FGD6: variants seen among roughly 807,000 people sequenced by gnomAD.
FGD6 encodes FYVE, RhoGEF and PH domain-containing protein 6.
A neutral mutation model predicts 149.4 loss-of-function variants in FGD6; 90 were observed. The observed-to-expected ratio is 0.60, with a 90% confidence interval of 0.51 to 0.72. The LOEUF is 0.72. Ranked by LOEUF, FGD6 falls within the 30% of genes least tolerant of loss-of-function variation. FGD6 has a pLI of 0.00. For missense variants in FGD6, 1,437 were observed against 1,684.8 expected, an observed-to-expected ratio of 0.85 and a Z score of 2.57; for synonymous variants, 527 against 584.0, an observed-to-expected ratio of 0.90 and a Z score of 1.41.
chr12:95,133,946 A>C (rs1483305434), intron 8 of FGD6, among the ~76,000 whole-genome samples: 1 of 152,172 alleles, frequency 6.6e-6, no homozygotes, highest in Non-Finnish European at 1.5e-5. Context: ...TCACTCAAAC[A>C]CAGTGTTTTT....
At chr12:95,083,008 A>ATAT (rs1338773595) in intron 20 of FGD6, among the ~76,000 whole-genome samples, 4 of 35,194 alleles carry the variant, frequency 1.1e-4, no homozygotes, top group Non-Finnish European at 1.7e-4. Flanking sequence ...AAAAAAAAAA[A>ATAT]AAAAATATAT....
chr12:95,197,390 G>A (rs931973494), intron 2 of FGD6, among the ~76,000 whole-genome samples: 19 of 152,090 alleles, frequency 1.2e-4, no homozygotes, highest in African/African-American at 4.1e-4. Context: ...GTGAGATCAC[G>A]CCACTGCACT....
chr12:95,163,984 T>C (rs915373669), intron 3 of FGD6, among the ~76,000 whole-genome samples: 1 of 152,232 alleles, frequency 6.6e-6, no homozygotes, highest in Non-Finnish European at 1.5e-5. Context: ...ACACACCCCA[T>C]GGCATCTCAA....
At chr12:95,102,478 ATAAAG>A (rs1878483209) in intron 14 of FGD6, among the ~76,000 whole-genome samples, 2 of 150,980 alleles carry the variant, frequency 1.3e-5, no homozygotes, top group Middle Eastern at 3.5e-3. Flanking sequence ...CACAACAACA[ATAAAG>A]GAAAAGAAAA....
At chr12:95,213,196 T>C (rs2056736661) in intron 1 of FGD6, among the ~76,000 whole-genome samples, 1 of 152,238 alleles carries the variant, frequency 6.6e-6, no homozygotes, top group African/African-American at 2.4e-5. Context: ...ACGGCCCATC[T>C]TACTCAGTAC....
intron 3 of FGD6, among the ~76,000 whole-genome samples, chr12:95,160,017 A>C (rs566482166): frequency 2.6e-4 from 39 of 151,574 alleles, no homozygotes; most frequent in African/African-American, 7.5e-4. Flanking sequence ...TTAAAAAAAA[A>C]AAAACAAAAC....
Position 95,209,576 on chromosome 12 carries a change from G to A in FGD6, c.1708C>T (p.Pro570Ser), listed in dbSNP as rs1485024542. 6.2e-7 allele frequency: 1 copy of A among 1,614,066 alleles called. No individual in the cohort carries two copies. Among genetic ancestry groups the A allele is most frequent in the African/African-American group, 1.3e-5 (1 of 75,012 alleles). ...CCTGAAAAGGGTAAAATAGGATGAG[G>A]TAACTTCCACACTGGCTTTTCTGAA... ...RASEKPVWKL[P>S]HPILPFSGNP... is the part of the protein sequence containing the mutation. The change falls in exon 2 of 21, where the codon CCT becomes TCT. Residue 570 changes from proline (P) to serine (S), a missense_variant. Pro to Ser is a moderately conservative substitution (Grantham distance 74). Around this residue, in one of 2 missense-constraint regions of FGD6, gnomAD observed 1,055 missense variants for 1,146.0 expected, o/e 0.92. Coordinates refer to ENST00000343958, the MANE Select transcript of FGD6 (RefSeq NM_018351.4).
chr12:95,131,843 C>T (rs539894578), intron 8 of FGD6, among the ~76,000 whole-genome samples: 1 of 152,030 alleles, frequency 6.6e-6, no homozygotes, highest in African/African-American at 2.4e-5. Context: ...AGTTTGAGAC[C>T]AGGCTGGCCA....
intron 8 of FGD6, among the ~76,000 whole-genome samples, chr12:95,117,757 A>G (rs1483532255): frequency 1.3e-5 from 2 of 151,822 alleles, no homozygotes; most frequent in Non-Finnish European, 2.9e-5. Flanking sequence ...TAAAATGCCC[A>G]AGGCCACCGG....
intron 5 of FGD6, among the ~76,000 whole-genome samples, chr12:95,142,858 A>G (rs1879893710): frequency 6.6e-6 from 1 of 152,054 alleles, no homozygotes; most frequent in African/African-American, 2.4e-5. Flanking sequence ...CTCTTCACCT[A>G]TTATTTTTCA....
chr12:95,105,285 C>T (rs970003952), intron 13 of FGD6, among the ~76,000 whole-genome samples, 199 bp from the exon 14 acceptor site: 8 of 152,184 alleles, frequency 5.3e-5, no homozygotes, highest in African/African-American at 1.9e-4. Context: ...TTCCCACCTC[C>T]AGGACTTTGC....
At chr12:95,128,707 G>C (rs1879422326) in intron 8 of FGD6, among the ~76,000 whole-genome samples, 1 of 152,228 alleles carries the variant, frequency 6.6e-6, no homozygotes, top group Non-Finnish European at 1.5e-5. Flanking sequence ...TGACCTCAAA[G>C]AGGAAGACTG....
Position 95,208,977 on chromosome 12 carries a change from T to C in FGD6, c.2307A>G (p.Ile769Met). The C allele has an allele frequency of 6.2e-7, 1 of 1,614,134 alleles. No homozygotes were observed. Among genetic ancestry groups the C allele is most frequent in the Non-Finnish European group, 8.5e-7 (1 of 1,180,020 alleles). The change falls in exon 2 of 21, where the codon ATA becomes ATG. Residue 769 changes from isoleucine (I) to methionine (M), a missense_variant. By Grantham distance (10) the Ile-to-Met change is conservative. Around this residue, in one of 2 missense-constraint regions of FGD6, gnomAD observed 1,055 missense variants for 1,146.0 expected, o/e 0.92. Coordinates refer to ENST00000343958, the MANE Select transcript of FGD6 (RefSeq NM_018351.4). ...EYENLPFIMA[I>M]RKTQELEWQN... ...GCCATTCCAACTCTTGAGTTTTCCGTATAGCCATAATAAATGGCAAGTTCT... is the reference window on the plus strand; with the variant it reads ...GCCATTCCAACTCTTGAGTTTTCCGCATAGCCATAATAAATGGCAAGTTCT...
Position 95,145,544 on chromosome 12 carries a change from G to T in FGD6, c.2686-4005C>A, listed in dbSNP as rs77536418. Among the ~76,000 whole-genome samples the T allele has an allele frequency of 5.0e-3, 759 of 152,216 alleles. 11 individuals are homozygous for T. The highest frequency in any genetic ancestry group is 0.017 in the African/African-American group (721 of 41,520). ...ATCTCCCCTGCTCCTGAAGTTTCTT[G>T]TTAGTAATTTTCCATCCACTAACGC... On this transcript the variant is annotated intron_variant, in intron 5 of 20. Transcript: ENST00000343958.
rs1565908665 is a variant in FGD6, at chr12:95,149,112, CATATATTATATAATATATAGCATATATT to C, written c.2685+3671_2685+3698del. Among the ~76,000 whole-genome samples, 3 of 3,536 alleles carry C rather than the reference CATATATTATATAATATATAGCATATATT, an allele frequency of 8.5e-4. 1 individual carries two copies. The highest frequency in any genetic ancestry group is 1.0e-3 in the Non-Finnish European group (3 of 2,992). The allele number at this position is 3,536 out of a possible 152,430, so 2.3% of individuals were successfully genotyped here. The stretch of plus-strand genomic sequence containing the variant: ...ATTATATATATTATATAAGATATAG[CATATATTATATAATATATAGCATATATT>C]ATATATTATATAATATATAGCATAT... On this transcript the variant is annotated intron_variant, in intron 5 of 20. Coordinates refer to ENST00000343958, the MANE Select transcript of FGD6 (RefSeq NM_018351.4).
chr12:95,146,226 G>A (rs1880013149), intron 5 of FGD6, among the ~76,000 whole-genome samples: 1 of 152,104 alleles, frequency 6.6e-6, no homozygotes, highest in Non-Finnish European at 1.5e-5. Context: ...AGCTCTTCAC[G>A]AACCTCAGCC....
At chr12:95,103,080 G>C (rs77618351) in intron 14 of FGD6, among the ~76,000 whole-genome samples, 108 of 152,308 alleles carry the variant, frequency 7.1e-4, no homozygotes, top group African/African-American at 2.5e-3. Context: ...AGACTGCCTG[G>C]TTTCAAATCC....
intron 5 of FGD6, among the ~76,000 whole-genome samples, chr12:95,142,469 G>T (rs963100047): frequency 3.3e-5 from 5 of 152,012 alleles, no homozygotes; most frequent in African/African-American, 1.2e-4. Context: ...GTAGAGACAA[G>T]GTTTCACCTT....
chr12:95,127,254 A>G (rs575584561), intron 8 of FGD6, among the ~76,000 whole-genome samples: 62 of 152,206 alleles, frequency 4.1e-4, no homozygotes, highest in Non-Finnish European at 4.3e-4. Context: ...AAAAAGAGTC[A>G]TCTATTAGCG....
Sources: gnomAD v4.1 joint callset for allele counts (sites outside exome capture counted in the v4.1 genomes callset) on GRCh38, gnomAD v4.1.1 for gene constraint, gnomAD v4.1.1 regional missense constraint, MANE v1.5 for transcripts, NCBI Gene and HGNC (gene_info 2026-07-23, HGNC 2026-07-21) for gene names.